The following NOS1 variants were observed in gnomAD, a reference collection of about 807,000 sequenced individuals.
The protein encoded by NOS1 is NOS type I.
NOS1 carries 51 observed loss-of-function variants against 164.5 expected under a neutral mutation model. The observed-to-expected ratio is 0.31, with a 90% CI of 0.25 to 0.39. The LOEUF (loss-of-function observed/expected upper bound fraction) is 0.39, where lower values mean the gene tolerates loss of function less well. Among genes scored for constraint, NOS1 ranks in the 10% least tolerant of loss-of-function variants. NOS1 has a pLI of 1.00. For missense variants in NOS1, 1,362 were observed against 1,885.6 expected, an observed-to-expected ratio of 0.72 and a Z score of 5.14; for synonymous variants, 719 against 745.8, an observed-to-expected ratio of 0.96 and a Z score of 0.59.
Position 117,330,590 on chromosome 12 carries a change from C to T in NOS1, c.480G>A (p.Gln160=), listed in dbSNP as rs1367167720. Residue 160 remains glutamine (Q), a synonymous_variant, in exon 2 of 29, where the codon CAG becomes CAA. Transcript: ENST00000317775. The surrounding 1 kb of genome is among the most constrained non-coding windows in gnomAD (Gnocchi z 4.6). ...CCTCCTGCCCATCATCGTAGGCATG[C>T]TGAGGCCCATTCCCGGGACCCGAGG... The part of the protein sequence containing the change: ...DGASGPGNGP[Q]HAYDDGQEAG... The T allele has an allele frequency of 6.2e-7, 1 of 1,612,422 alleles. No homozygotes were observed.
intron 16 of NOS1, among the ~76,000 whole-genome samples, chr12:117,253,978 G>A (rs540721450): frequency 2.0e-5 from 3 of 152,190 alleles, no homozygotes; most frequent in East Asian, 1.9e-4. Context: ...GTACTAAAAA[G>A]GTTTCTGGCC....
At chr12:117,329,408 G>C (rs969975847) in intron 2 of NOS1, among the ~76,000 whole-genome samples, 11 of 152,228 alleles carry the variant, frequency 7.2e-5, no homozygotes, top group Middle Eastern at 3.4e-3. Flanking sequence ...TTGGGGAAAG[G>C]GTTGGGAAAT....
intron 4 of NOS1, among the ~76,000 whole-genome samples, chr12:117,289,099 TC>T (rs1280254652): frequency 2.0e-5 from 3 of 152,210 alleles, no homozygotes; most frequent in Non-Finnish European, 4.4e-5. Context: ...CAGATACCAT[TC>T]TTCCAAGAGG....
intron 17 of NOS1, among the ~76,000 whole-genome samples, chr12:117,247,847 G>C (rs1004009261): frequency 6.6e-6 from 1 of 151,778 alleles, no homozygotes; most frequent in Non-Finnish European, 1.5e-5. Context: ...TTTGGAGGCT[G>C]AGGCAGGAGA....
Position 117,268,116 on chromosome 12 carries a change from A to G in NOS1, c.1868T>C (p.Met623Thr), listed in dbSNP as rs899866948. The G allele has an allele frequency of 6.2e-7, 1 of 1,613,946 alleles. No homozygotes were observed. Among genetic ancestry groups the G allele is most frequent in the Non-Finnish European group, 8.5e-7 (1 of 1,179,838 alleles). ...EEVAKKMNLD[M>T]RKTSSLWKDQ... ...CTTCCACAGGGAGGACGTCTTCCTC[A>G]TGTCTAAGTTCATCTTCTTGGCCAC... Residue 623 changes from methionine to threonine, a missense_variant, in exon 11 of 29, where the codon ATG (methionine) becomes ACG (threonine). Physicochemically the swap from Met to Thr is moderately conservative, Grantham distance 81. Coordinates refer to ENST00000317775, the MANE Select transcript of NOS1 (RefSeq NM_000620.5).
At chr12:117,247,288 CT>C (rs1301435279) in intron 18 of NOS1, 59 bp downstream of exon 18, 9 of 1,358,582 alleles carry the variant, frequency 6.6e-6, no homozygotes, top group Non-Finnish European at 8.1e-6. Flanking sequence ...GGTTTAGGTG[CT>C]GTCTTTGGGG....
At chr12:117,238,288 G>C (rs1393327378) in intron 20 of NOS1, among the ~76,000 whole-genome samples, 1 of 151,962 alleles carries the variant, frequency 6.6e-6, no homozygotes, top group Non-Finnish European at 1.5e-5. Flanking sequence ...TTAGGGTGGG[G>C]GTGGCCAGAA....
chr12:117,358,257 T>C (rs1406637234), intron 1 of NOS1, among the ~76,000 whole-genome samples: 1 of 152,196 alleles, frequency 6.6e-6, no homozygotes. Context: ...ACTGACTGAA[T>C]GGTACCTCGG....
At chr12:117,311,382 G>A (rs1874423183) in intron 3 of NOS1, 84 bp downstream of exon 3, 3 of 1,452,984 alleles carry the variant, frequency 2.1e-6, no homozygotes, top group East Asian at 2.5e-5. Context: ...TTAGGATTTA[G>A]CTTCCCTCCC....
At position 117,330,781 on chromosome 12, in the gene NOS1, G is replaced by A. The variant is rs1479219448; in HGVS notation, c.289C>T (p.Leu97=). The change falls in exon 2 of 29, where the codon CTG becomes TTG. Residue 97 remains leucine, a synonymous_variant. Transcript: ENST00000317775. The surrounding 1 kb of genome is among the most constrained non-coding windows in gnomAD (Gnocchi z 4.6). ...GTGGTGAAACCTTCAGGGCCCCTCA[G>A]AATGAGGACCACGTGGGTCTCAGAG... ...IASETHVVLI[L]RGPEGFTTHL... The A allele has an allele frequency of 1.2e-6, 2 of 1,614,096 alleles. No homozygotes were observed. The highest frequency in any genetic ancestry group is 1.7e-6 in the Non-Finnish European group (2 of 1,180,016).
intron 2 of NOS1, among the ~76,000 whole-genome samples, chr12:117,320,743 A>G (rs1266232445): frequency 6.6e-6 from 1 of 152,124 alleles, no homozygotes; most frequent in Admixed American, 6.6e-5. Flanking sequence ...ACTATGCTCA[A>G]GCCCCTCGAG....
chr12:117,233,669 G>T (rs1869451401), intron 21 of NOS1, among the ~76,000 whole-genome samples: 1 of 151,914 alleles, frequency 6.6e-6, no homozygotes, highest in African/African-American at 2.4e-5. Context: ...TTAGCTGGGT[G>T]TGGTGGCACG....
chr12:117,318,750 G>T (rs61334972), intron 2 of NOS1, among the ~76,000 whole-genome samples: 177 of 152,342 alleles, frequency 1.2e-3, no homozygotes, highest in African/African-American at 4.1e-3. Context: ...GGCACAGGGA[G>T]GCGGGGGCTG....
Position 117,210,576 on chromosome 12 carries a change from AG to A in NOS1, c.*4732del. 1 of 985,554 alleles carries A rather than the reference AG, an allele frequency of 1.0e-6. No homozygotes were observed. Among genetic ancestry groups the A allele is most frequent in the South Asian group, 4.7e-5 (1 of 21,292 alleles). The allele number at this position is 985,554 out of a possible 1,614,324, so 61.1% of individuals were successfully genotyped here. On this transcript the variant is annotated 3_prime_UTR_variant, in exon 29 of 29. Transcript: ENST00000317775. ...ATGGCAAGAATGAAAAGGCTGCATT[AG>A]GCGCTGGTGCTGTCGGAGTGAAGGG... is the stretch of plus-strand genomic sequence containing the variant.
chr12:117,310,184 G>A (rs982260971), intron 3 of NOS1, among the ~76,000 whole-genome samples: 4 of 152,134 alleles, frequency 2.6e-5, no homozygotes, highest in African/African-American at 9.7e-5. Flanking sequence ...TTGGATTACA[G>A]GCGTGAGCCG....
At chr12:117,236,937 C>T (rs77652057) in intron 20 of NOS1, among the ~76,000 whole-genome samples, 1,605 of 152,214 alleles carry the variant, frequency 0.011, 31 homozygotes, top group East Asian at 0.056. Flanking sequence ...GGCCCAGGCT[C>T]TGGCCCTGCT....
In NOS1 at chr12:117,211,752, C is replaced by A; in HGVS notation, c.*3557G>T. ...CCAGAAATTTATGTCAGTTCCAAGACGGGTGTCTCTCTCCATCAGATTATA... is the reference window on the plus strand; with the variant it reads ...CCAGAAATTTATGTCAGTTCCAAGAAGGGTGTCTCTCTCCATCAGATTATA... On this transcript the variant is annotated 3_prime_UTR_variant, in exon 29 of 29. Transcript: ENST00000317775. 5.1e-6 allele frequency: 5 copies of A among 985,382 alleles called. No individual in the cohort carries two copies. The highest frequency in any genetic ancestry group is 6.0e-6 in the Non-Finnish European group (5 of 829,972). The allele number at this position is 985,382 out of a possible 1,614,324, so 61.0% of individuals were successfully genotyped here.
intron 2 of NOS1, among the ~76,000 whole-genome samples, chr12:117,318,694 C>G (rs910708975): frequency 6.6e-6 from 1 of 152,194 alleles, no homozygotes; most frequent in Non-Finnish European, 1.5e-5. Flanking sequence ...CACTTATGGA[C>G]CCCGAGGACC....
At chr12:117,265,608 C>T in intron 11 of NOS1, 98 bp from the exon 12 acceptor site, 1 of 913,210 alleles carries the variant, frequency 1.1e-6, no homozygotes, top group Non-Finnish European at 1.6e-6. Context: ...AGGGTGGTCC[C>T]TGAGATGGTT....
Sources: gnomAD v4.1 joint callset for allele counts (sites outside exome capture counted in the v4.1 genomes callset) on GRCh38, gnomAD v4.1.1 for gene constraint, Gnocchi (gnomAD v3.1) non-coding constraint, MANE v1.5 for transcripts, NCBI Gene and HGNC (gene_info 2026-07-23, HGNC 2026-07-21) for gene names.